The following GRIK3 variants were observed in gnomAD, a reference collection of about 807,000 sequenced individuals.
GRIK3 encodes the protein glutamate receptor ionotropic, kainate 3.
A neutral mutation model predicts 102.5 loss-of-function variants in GRIK3; 29 were observed. The observed-to-expected ratio is 0.28, with a 90% CI of 0.21 to 0.39. The LOEUF (loss-of-function observed/expected upper bound fraction) is 0.39. Ranked by LOEUF, GRIK3 falls within the 10% of genes least tolerant of loss-of-function variation. The pLI is 1.00. For missense variants in GRIK3, 908 were observed against 1,252.4 expected (o/e 0.73, Z 4.15); for synonymous variants, 511 against 504.9 (o/e 1.01, Z -0.16).
In GRIK3 at chr1:36,806,801, A is replaced by G. The variant is rs777787040; in HGVS notation, c.2092-475T>C. ...AGTTTACCCAGGTACTAAGTAGCAA[A>G]GCCAGGCTTCAAACCCAGGCCATCT... On this transcript the variant is annotated intron_variant, in intron 13 of 15. Transcript: ENST00000373091. The surrounding 1 kb of genome is among the most constrained non-coding windows in gnomAD (Gnocchi z 4.0). Among the ~76,000 whole-genome samples, 1 of 152,188 alleles carries G rather than the reference A, an allele frequency of 6.6e-6. No homozygotes were observed. The highest frequency in any genetic ancestry group is 1.5e-5 in the Non-Finnish European group (1 of 68,036).
At chr1:36,814,432 C>G (rs569792696) in intron 13 of GRIK3, among the ~76,000 whole-genome samples, 5 of 151,054 alleles carry the variant, frequency 3.3e-5, no homozygotes, top group African/African-American at 1.2e-4. Context: ...GACACATATG[C>G]ATGTACAGTT....
chr1:36,991,573 A>G (rs189502330), intron 1 of GRIK3, among the ~76,000 whole-genome samples: 18 of 152,326 alleles, frequency 1.2e-4, no homozygotes, highest in African/African-American at 4.1e-4. Context: ...GTGAAAAGCA[A>G]CGTGCCTACC....
At chr1:36,911,328 T>A (rs1641343532) in intron 1 of GRIK3, among the ~76,000 whole-genome samples, 1 of 152,160 alleles carries the variant, frequency 6.6e-6, no homozygotes, top group African/African-American at 2.4e-5. Context: ...CTTGGGCAAG[T>A]CCCTTTACTG....
At chr1:36,890,284 GA>G (rs1641099346) in intron 2 of GRIK3, among the ~76,000 whole-genome samples, 2 of 152,096 alleles carry the variant, frequency 1.3e-5, no homozygotes, top group Admixed American at 6.6e-5. Context: ...ACAACATGGT[GA>G]AACCCTATCT....
At chr1:36,809,593 T>G (rs1642539853) in intron 13 of GRIK3, among the ~76,000 whole-genome samples, 1 of 152,132 alleles carries the variant, frequency 6.6e-6, no homozygotes, top group African/African-American at 2.4e-5. Context: ...ACTTCTTCTC[T>G]TTCTCTAAAC....
intron 2 of GRIK3, among the ~76,000 whole-genome samples, chr1:36,882,718 T>C (rs140640132): frequency 2.6e-4 from 40 of 152,272 alleles, no homozygotes; most frequent in African/African-American, 9.6e-4. Flanking sequence ...TAAGTGAACC[T>C]TCAAGGAAGT....
intron 5 of GRIK3, among the ~76,000 whole-genome samples, chr1:36,861,215 G>T: frequency 6.6e-6 from 1 of 152,212 alleles, no homozygotes; most frequent in East Asian, 1.9e-4. Context: ...TCTGACGCAT[G>T]TTCCTTCTAT....
intron 10 of GRIK3, among the ~76,000 whole-genome samples, chr1:36,829,281 C>T (rs572549969): frequency 2.0e-5 from 3 of 152,332 alleles, no homozygotes; most frequent in South Asian, 2.1e-4. Flanking sequence ...TTGGCAGGCT[C>T]TTCCCACTTG....
intron 1 of GRIK3, among the ~76,000 whole-genome samples, chr1:36,990,592 G>A (rs1642354331): frequency 1.3e-5 from 2 of 152,198 alleles, no homozygotes; most frequent in South Asian, 4.1e-4. Context: ...AAATTCCAGG[G>A]AGCTGCCTGG....
At chr1:36,884,777 C>T (rs1297101366) in intron 2 of GRIK3, among the ~76,000 whole-genome samples, 5 of 152,166 alleles carry the variant, frequency 3.3e-5, no homozygotes, top group Non-Finnish European at 7.3e-5. Context: ...GTCTCATTCC[C>T]TCCCACCACC....
rs536135475 is a variant in GRIK3, at chr1:36,948,142, A to AC, written c.116-57047_116-57046insG. Among the ~76,000 whole-genome samples the AC allele has an allele frequency of 1.1e-3, 175 of 152,352 alleles. 2 individuals carry two copies. The South Asian group carries it at 0.03, about 26-fold the overall frequency. On this transcript the variant is annotated intron_variant, in intron 1 of 15. Transcript: ENST00000373091. Reference sequence around the variant, plus strand: ...CTCCCCCATGCAACACCTGGTATCAAACTGGGGCAGTACTAGGTACTCAGT... The same window carrying AC: ...CTCCCCCATGCAACACCTGGTATCAACACTGGGGCAGTACTAGGTACTCAGT...
At chr1:36,908,778 G>GGGGTGTGT (rs1641312861) in intron 1 of GRIK3, among the ~76,000 whole-genome samples, 1 of 147,004 alleles carries the variant, frequency 6.8e-6, no homozygotes, top group Admixed American at 6.8e-5. Context: ...AATGGGATAG[G>GGGGTGTGT]GTGTGTGTGT....
chr1:36,859,010 A>G, intron 7 of GRIK3, 98 bp downstream of exon 7: 1 of 1,105,880 alleles, frequency 9.0e-7, no homozygotes, highest in Non-Finnish European at 1.3e-6. Flanking sequence ...GGTCACATGG[A>G]TGAGAATCAA....
chr1:36,850,432 G>A lies in GRIK3; in HGVS notation c.1213-8C>T. ...AGGACTCCACACCCCAACCTGGATG[G>A]ACACAGACAGAAAACAGGGTGCCGA... is the stretch of plus-strand genomic sequence containing the variant. On this transcript the variant is annotated splice_region_variant and splice_polypyrimidine_tract_variant and intron_variant, in intron 8 of 15. Transcript: ENST00000373091. The surrounding 1 kb of genome is among the most constrained non-coding windows in gnomAD (Gnocchi z 4.0). The A allele has an allele frequency of 6.4e-7, 1 of 1,564,698 alleles. No homozygotes were observed. The highest frequency in any genetic ancestry group is 8.8e-7 in the Non-Finnish European group (1 of 1,134,968).
Position 36,882,858 on chromosome 1 carries a change from AC to A in GRIK3, c.293-1968del, listed in dbSNP as rs1389538442. The stretch of plus-strand genomic sequence containing the variant: ...AGTCGCCCACCAGGCAAAACCCTGG[AC>A]TTAGAATTTGCATGAACCAAGACTT... On this transcript the variant is annotated intron_variant, in intron 2 of 15. Transcript: ENST00000373091. 2.0e-5 allele frequency among the ~76,000 whole-genome samples: 3 copies of A among 152,344 alleles called. No individual in the cohort carries two copies. In the East Asian group the frequency reaches 5.8e-4, roughly 29 times the overall value.
At chr1:36,881,004 T>G (rs1027429777) in intron 2 of GRIK3, 113 bp from the exon 3 acceptor site, 12 of 1,152,090 alleles carry the variant, frequency 1.0e-5, no homozygotes, top group Non-Finnish European at 1.5e-5. Context: ...GAACCCTCGG[T>G]GGGTGCACAA....
At chr1:36,948,395 C>G (rs1217833379) in intron 1 of GRIK3, among the ~76,000 whole-genome samples, 1 of 152,130 alleles carries the variant, frequency 6.6e-6, no homozygotes, top group Non-Finnish European at 1.5e-5. Context: ...TTGGCTGAAG[C>G]CCTACTGTGT....
At position 36,872,935 on chromosome 1, in the gene GRIK3, G is replaced by A. The variant is rs1381741450; in HGVS notation, c.551-566C>T. On this transcript the variant is annotated intron_variant, in intron 3 of 15. Coordinates refer to ENST00000373091, the MANE Select transcript of GRIK3 (RefSeq NM_000831.4). The surrounding 1 kb of genome is among the most constrained non-coding windows in gnomAD (Gnocchi z 5.9). ...TGTACCAACCACTGGGCTGGGTAAG[G>A]CCAGGAGGTATTTGTGTCTCCGCCC... 6.6e-6 allele frequency among the ~76,000 whole-genome samples: 1 copy of A among 152,248 alleles called. No homozygotes were observed. The highest frequency in any genetic ancestry group is 2.1e-4 in the South Asian group (1 of 4,832).
At chr1:36,822,336 C>T (rs499230) in intron 11 of GRIK3, among the ~76,000 whole-genome samples, 29,483 of 152,128 alleles carry the variant, frequency 0.19, 3,431 homozygotes, top group African/African-American at 0.33. Context: ...TATCAAATGC[C>T]GTTACAGGTT....
Sources: gnomAD v4.1 joint callset for allele counts (sites outside exome capture counted in the v4.1 genomes callset) on GRCh38, gnomAD v4.1.1 for gene constraint, Gnocchi (gnomAD v3.1) non-coding constraint, MANE v1.5 for transcripts, NCBI Gene and HGNC (gene_info 2026-07-23, HGNC 2026-07-21) for gene names.